PDE3B: variants seen among roughly 807,000 people sequenced by gnomAD.
The protein encoded by PDE3B is cGMP-inhibited 3',5'-cyclic phosphodiesterase 3B.
Under a neutral mutation model 116.8 loss-of-function variants are expected in PDE3B, and 66 were observed. The observed-to-expected ratio is 0.56, with a 90% CI of 0.46 to 0.69. The LOEUF is 0.69. Ranked by LOEUF, PDE3B falls within the 30% of genes least tolerant of loss-of-function variation. PDE3B has a pLI of 0.00. For missense variants in PDE3B, 1,384 were observed against 1,368.1 expected, an observed-to-expected ratio of 1.01 and a Z score of -0.18; for synonymous variants, 595 against 533.6, an observed-to-expected ratio of 1.12 and a Z score of -1.59.
intron 5 of PDE3B, among the ~76,000 whole-genome samples, chr11:14,808,856 AAAG>A: frequency 1.3e-5 from 2 of 152,218 alleles, no homozygotes; most frequent in Non-Finnish European, 2.9e-5. Flanking sequence ...TGTTGAAATT[AAAG>A]AAGACCTAAA....
rs538599906 is a variant in PDE3B at position 14,709,727 on chromosome 11, G to T, written c.979-62210G>T. 6.6e-5 allele frequency among the ~76,000 whole-genome samples: 10 copies of T among 152,190 alleles called. No individual in the cohort carries two copies. In the East Asian group the frequency reaches 1.9e-3, roughly 29 times the overall value. Reference sequence around the variant, plus strand: ...TGTGCTGTTGCTTTCCTTGTAATAGGTTTATTTCCCCTTTACTCTTATACG... The same window carrying T: ...TGTGCTGTTGCTTTCCTTGTAATAGTTTTATTTCCCCTTTACTCTTATACG... On this transcript the variant is annotated intron_variant, in intron 1 of 15. Coordinates refer to ENST00000282096, the MANE Select transcript of PDE3B (RefSeq NM_000922.4).
intron 1 of PDE3B, among the ~76,000 whole-genome samples, chr11:14,743,599 A>T (rs1340553699): frequency 6.6e-6 from 1 of 152,130 alleles, no homozygotes; most frequent in East Asian, 1.9e-4. Flanking sequence ...TCCATGTGCC[A>T]CTGGGGTATG....
chr11:14,673,234 G>A (rs1280971835), intron 1 of PDE3B, among the ~76,000 whole-genome samples: 1 of 151,566 alleles, frequency 6.6e-6, no homozygotes, highest in Non-Finnish European at 1.5e-5. Context: ...TTTGGCACTA[G>A]GAATCAGAGT....
chr11:14,884,000 A>G, the PDE3B span, among the ~76,000 whole-genome samples: 1 of 152,104 alleles, frequency 6.6e-6, no homozygotes, highest in Non-Finnish European at 1.5e-5. Flanking sequence ...CACACCAGTT[A>G]GAATGGCAAT....
intron 14 of PDE3B, among the ~76,000 whole-genome samples, chr11:14,866,092 C>T (rs1555007997): frequency 6.6e-6 from 1 of 152,044 alleles, no homozygotes; most frequent in Non-Finnish European, 1.5e-5. Context: ...ATGGTACCTA[C>T]CTCATAAGGT....
chr11:14,863,407 A>G (rs370738740), intron 14 of PDE3B, among the ~76,000 whole-genome samples: 1 of 152,072 alleles, frequency 6.6e-6, no homozygotes, highest in Non-Finnish European at 1.5e-5. Flanking sequence ...AGGTTATCCC[A>G]TTGTGGTTTT....
intron 1 of PDE3B, among the ~76,000 whole-genome samples, chr11:14,730,873 A>G (rs1016893404): frequency 6.6e-6 from 1 of 152,240 alleles, no homozygotes; most frequent in Non-Finnish European, 1.5e-5. Flanking sequence ...TTTGGTATCT[A>G]ACATTAGCAG....
chr11:14,702,248 A>G (rs1235836730), intron 1 of PDE3B, among the ~76,000 whole-genome samples: 2 of 151,680 alleles, frequency 1.3e-5, no homozygotes, highest in East Asian at 3.9e-4. Flanking sequence ...TTTTAATATT[A>G]TGTCTTTGAT....
chr11:14,867,425 ACT>A, intron 14 of PDE3B, 79 bp from the exon 15 acceptor site: 1 of 1,221,134 alleles, frequency 8.2e-7, no homozygotes, highest in Non-Finnish European at 1.1e-6. Context: ...TTTTAAAAAA[ACT>A]CAAGATAATT....
intron 1 of PDE3B, among the ~76,000 whole-genome samples, chr11:14,768,625 G>C (rs923346289): frequency 6.6e-6 from 1 of 151,180 alleles, no homozygotes; most frequent in Admixed American, 6.6e-5. Context: ...TGAACATTTG[G>C]GTTGTATCTA....
intron 1 of PDE3B, among the ~76,000 whole-genome samples, chr11:14,659,813 C>T (rs1045169533): frequency 6.6e-6 from 1 of 151,968 alleles, no homozygotes; most frequent in African/African-American, 2.4e-5. Flanking sequence ...TTATGTTTAC[C>T]CCTATTTCTG....
At chr11:14,797,777 T>A (rs1261908522) in intron 4 of PDE3B, among the ~76,000 whole-genome samples, 2 of 152,208 alleles carry the variant, frequency 1.3e-5, no homozygotes, top group Non-Finnish European at 2.9e-5. Flanking sequence ...GCATATTGAT[T>A]TTTTATCCTG....
intron 1 of PDE3B, among the ~76,000 whole-genome samples, chr11:14,728,235 T>C (rs928307373): frequency 6.6e-6 from 1 of 151,976 alleles, no homozygotes; most frequent in Non-Finnish European, 1.5e-5. Context: ...TGGCTGATAG[T>C]GTTATATAAA....
At chr11:14,817,370 G>A (rs2133948757) in intron 5 of PDE3B, among the ~76,000 whole-genome samples, 1 of 152,066 alleles carries the variant, frequency 6.6e-6, no homozygotes, top group South Asian at 2.1e-4. Flanking sequence ...CACCAACATG[G>A]CACATGTATA....
chr11:14,820,351 C>A (rs1184880344), intron 7 of PDE3B, among the ~76,000 whole-genome samples: 2 of 151,612 alleles, frequency 1.3e-5, no homozygotes, highest in African/African-American at 4.8e-5. Context: ...TGAAAGAAGC[C>A]AGGCCCAAAA....
At chr11:14,736,855 G>A (rs1050864152) in intron 1 of PDE3B, among the ~76,000 whole-genome samples, 3 of 152,268 alleles carry the variant, frequency 2.0e-5, no homozygotes, top group African/African-American at 7.2e-5. Context: ...GAGAGAGATA[G>A]TAGTGGTCAC....
chr11:14,776,484 G>C (rs1857789188), intron 2 of PDE3B: 1 of 152,320 alleles, frequency 6.6e-6, no homozygotes, highest in Non-Finnish European at 1.5e-5. Context: ...CTACTGTAAG[G>C]CACCAGTGTG....
At chr11:14,892,068 C>G in the PDE3B span, 1 of 1,612,120 alleles carries the variant, frequency 6.2e-7, no homozygotes, top group Non-Finnish European at 8.5e-7. Context: ...CGATAAATGG[C>G]AGCCCCGGCG....
chr11:14,731,784 C>G (rs1047474459), intron 1 of PDE3B, among the ~76,000 whole-genome samples: 5 of 152,128 alleles, frequency 3.3e-5, no homozygotes, highest in Admixed American at 2.0e-4. Flanking sequence ...AAAGTGCTTA[C>G]TGAGCGCCTA....
Sources: gnomAD v4.1 joint callset for allele counts (sites outside exome capture counted in the v4.1 genomes callset) on GRCh38, gnomAD v4.1.1 for gene constraint, MANE v1.5 for transcripts, NCBI Gene and HGNC (gene_info 2026-07-23, HGNC 2026-07-21) for gene names.